Variants in IQCJ observed in about 807,000 individuals in gnomAD.
IQCJ encodes the protein IQ motif containing J.
Under a neutral mutation model 11.0 loss-of-function variants are expected in IQCJ, and 9 were observed. That is an observed-to-expected ratio of 0.82 (90% CI 0.49 to 1.43). IQCJ has a LOEUF of 1.43. IQCJ is among the 40% of genes most tolerant of loss of function. The pLI is 0.00. For synonymous variants in IQCJ, 55 were observed against 51.3 expected, an observed-to-expected ratio of 1.07 and a Z score of -0.31; for missense variants, 146 against 133.2, an observed-to-expected ratio of 1.10 and a Z score of -0.47.
chr3:159,138,693 A>G (rs566929179), intron 1 of IQCJ, among the ~76,000 whole-genome samples: 1 of 152,202 alleles, frequency 6.6e-6, no homozygotes, highest in Admixed American at 6.5e-5. Flanking sequence ...TTGAGTGAAT[A>G]TGTTCGTGTT....
chr3:159,174,518 G>C (rs925493454), intron 1 of IQCJ, among the ~76,000 whole-genome samples: 4 of 151,806 alleles, frequency 2.6e-5, no homozygotes, highest in African/African-American at 7.3e-5. Context: ...TTAGAGAAGT[G>C]GATCATTAAG....
Position 159,252,808 on chromosome 3 carries a change from G to A in IQCJ, c.155+1G>A, listed in dbSNP as rs762731163. ...AGCCCTTGGAATCAAAGGTGAAAAT[G>A]TAAGTTATTTCAAAGTATAAATTAA... On this transcript the variant is annotated splice_donor_variant, in intron 3 of 3. Coordinates refer to ENST00000397832, the MANE Select transcript of IQCJ (RefSeq NM_001042706.3). LOFTEE classifies it high-confidence loss of function. 5 of 1,609,614 alleles carry A rather than the reference G, an allele frequency of 3.1e-6. No homozygotes were observed. Among genetic ancestry groups the A allele is most frequent in the African/African-American group, 2.7e-5 (2 of 74,784 alleles).
intron 1 of IQCJ, among the ~76,000 whole-genome samples, chr3:159,161,251 G>A (rs1162822894): frequency 1.3e-5 from 2 of 152,140 alleles, no homozygotes; most frequent in East Asian, 1.9e-4. Flanking sequence ...TGTCATTGTG[G>A]TTTTGATTTG....
chr3:159,253,819 G>A (rs1351466012), intron 3 of IQCJ, among the ~76,000 whole-genome samples: 1 of 152,246 alleles, frequency 6.6e-6, no homozygotes, highest in Non-Finnish European at 1.5e-5. Context: ...CCAAGTTGTT[G>A]CTGGACTTAG....
intron 1 of IQCJ, among the ~76,000 whole-genome samples, chr3:159,185,836 G>C (rs544459353): frequency 5.9e-5 from 9 of 152,184 alleles, no homozygotes; most frequent in Non-Finnish European, 1.0e-4. Flanking sequence ...GGAGCTCTAA[G>C]AGAGAGAACC....
chr3:159,124,594 A>G (rs1719563592), intron 1 of IQCJ, among the ~76,000 whole-genome samples: 1 of 152,114 alleles, frequency 6.6e-6, no homozygotes, highest in Non-Finnish European at 1.5e-5. Context: ...CTATGACTTT[A>G]CTGCACTCCT....
intron 1 of IQCJ, among the ~76,000 whole-genome samples, chr3:159,121,388 C>A (rs1719374804): frequency 6.6e-6 from 1 of 152,160 alleles, no homozygotes; most frequent in Non-Finnish European, 1.5e-5. Context: ...CCCACCTCAG[C>A]CTCCCAAAGT....
intron 1 of IQCJ, among the ~76,000 whole-genome samples, chr3:159,089,168 T>G (rs945749949): frequency 2.0e-5 from 3 of 152,164 alleles, no homozygotes; most frequent in Non-Finnish European, 2.9e-5. Context: ...TTAGTTCTCC[T>G]TCACTTATGA....
intron 1 of IQCJ, among the ~76,000 whole-genome samples, chr3:159,135,162 T>G (rs1166471690): frequency 6.6e-6 from 1 of 152,208 alleles, no homozygotes; most frequent in Non-Finnish European, 1.5e-5. Context: ...TAGTTTCTCC[T>G]AGATTTTTTG....
At chr3:159,101,255 T>C (rs1559984928) in intron 1 of IQCJ, among the ~76,000 whole-genome samples, 4 of 149,578 alleles carry the variant, frequency 2.7e-5, no homozygotes, top group South Asian at 2.2e-4. Context: ...CACACTGGCC[T>C]GCGCCCACTG....
chr3:159,259,158 C>T (rs1161160031), intron 3 of IQCJ, among the ~76,000 whole-genome samples: 1 of 152,082 alleles, frequency 6.6e-6, no homozygotes, highest in African/African-American at 2.4e-5. Flanking sequence ...GAGTGCATGA[C>T]AGAGCCAACC....
intron 1 of IQCJ, among the ~76,000 whole-genome samples, chr3:159,092,699 AACACACACACACAC>A (rs57083405): frequency 2.1e-5 from 3 of 141,600 alleles, no homozygotes; most frequent in Admixed American, 7.0e-5. Flanking sequence ...CTCCATCACA[AACACACACACACAC>A]ACACACACAC....
chr3:159,235,808 CT>C (rs2108165956), intron 1 of IQCJ, among the ~76,000 whole-genome samples: 2 of 152,310 alleles, frequency 1.3e-5, no homozygotes, highest in African/African-American at 4.8e-5. Flanking sequence ...TGAACGTAGT[CT>C]GGTTGGTCAA....
intron 1 of IQCJ, among the ~76,000 whole-genome samples, chr3:159,106,817 C>T (rs183595974): frequency 6.6e-6 from 1 of 152,140 alleles, no homozygotes; most frequent in East Asian, 1.9e-4. Flanking sequence ...TTCCCGTGAC[C>T]CCTTCTTTGG....
intron 1 of IQCJ, among the ~76,000 whole-genome samples, chr3:159,156,082 A>T (rs1469984081): frequency 6.6e-6 from 1 of 152,232 alleles, no homozygotes; most frequent in Non-Finnish European, 1.5e-5. Flanking sequence ...TTCTAAATAT[A>T]TACACGTTTA....
intron 1 of IQCJ, among the ~76,000 whole-genome samples, chr3:159,176,110 T>C (rs1242539619): frequency 2.0e-5 from 3 of 152,194 alleles, no homozygotes; most frequent in Admixed American, 2.0e-4. Flanking sequence ...TTCAAATCTT[T>C]TGTCCATGTT....
At chr3:159,265,316 C>T (rs1372225830), downstream of IQCJ, 4 of 1,613,858 alleles carry the variant, frequency 2.5e-6, no homozygotes, top group South Asian at 4.4e-5. Flanking sequence ...TTCTTCTCTA[C>T]CTTGACCAGC....
intron 1 of IQCJ, among the ~76,000 whole-genome samples, chr3:159,081,220 G>A (rs1351680609): frequency 2.0e-5 from 3 of 152,072 alleles, no homozygotes; most frequent in Non-Finnish European, 4.4e-5. Context: ...ACAGAGACAG[G>A]AAAATGAAAT....
chr3:159,252,548 T>A (rs79500886), intron 2 of IQCJ, among the ~76,000 whole-genome samples, 179 bp from the exon 3 acceptor site: 1 of 146,972 alleles, frequency 6.8e-6, no homozygotes, highest in East Asian at 1.9e-4. Flanking sequence ...CAAAGCCACA[T>A]TTTTTTTTTC....
Sources: gnomAD v4.1 joint callset for allele counts (sites outside exome capture counted in the v4.1 genomes callset) on GRCh38, gnomAD v4.1.1 for gene constraint, MANE v1.5 for transcripts, NCBI Gene and HGNC (gene_info 2026-07-23, HGNC 2026-07-21) for gene names.